Variants in KCNG2 observed in about 807,000 individuals in gnomAD.
KCNG2 encodes the protein voltage-gated potassium channel regulatory subunit KCNG2.
In KCNG2, 7 loss-of-function variants were observed where a neutral mutation model predicts 12.3. The observed-to-expected ratio is 0.57, with a 90% confidence interval of 0.32 to 1.07. The LOEUF is 1.07. Ranked by LOEUF, KCNG2 falls within the 50% of genes least tolerant of loss-of-function variation. The probability of loss-of-function intolerance (pLI) is 0.04; values close to 1 mark genes in which losing one functional copy is unlikely to be tolerated. For synonymous variants in KCNG2, 414 were observed against 351.4 expected (o/e 1.18, Z -1.99); for missense variants, 703 against 726.0 (o/e 0.97, Z 0.36).
At chr18:79,859,523 G>A (rs1473343000) in intron 2 of KCNG2, among the ~76,000 whole-genome samples, 2 of 141,058 alleles carry the variant, frequency 1.4e-5, no homozygotes, top group Admixed American at 7.2e-5. Context: ...TGAACTCATA[G>A]AGCGAGAACT....
chr18:79,895,209 G>C (rs1292297253), intron 3 of KCNG2, among the ~76,000 whole-genome samples: 1 of 152,112 alleles, frequency 6.6e-6, no homozygotes, highest in Admixed American at 6.5e-5. Context: ...GATTTATATA[G>C]TTGGGTCTGT....
chr18:79,856,639 G>A (rs1021613081), intron 2 of KCNG2, among the ~76,000 whole-genome samples, 187 bp downstream of exon 2: 4 of 152,120 alleles, frequency 2.6e-5, no homozygotes, highest in African/African-American at 7.2e-5. Flanking sequence ...GAACTCAGGC[G>A]CAGCCCCTTC....
At chr18:79,816,524 T>C (rs1473386939) in intron 1 of KCNG2, 2 of 152,232 alleles carry the variant, frequency 1.3e-5, no homozygotes, top group East Asian at 3.8e-4. Flanking sequence ...TCAAAGTTGG[T>C]TTTCCAAATG....
intron 3 of KCNG2, among the ~76,000 whole-genome samples, chr18:79,889,901 T>C (rs1003142049): frequency 2.6e-5 from 4 of 152,268 alleles, no homozygotes; most frequent in African/African-American, 9.6e-5. Context: ...GGAGGTTTCC[T>C]GCTTGTTGAG....
chr18:79,849,357 G>A (rs966156770), intron 1 of KCNG2, among the ~76,000 whole-genome samples: 2 of 152,272 alleles, frequency 1.3e-5, no homozygotes, highest in African/African-American at 4.8e-5. Flanking sequence ...TCCCAGCGCT[G>A]AGCTTCTGGG....
chr18:79,888,148 C>G (rs1022983714), intron 3 of KCNG2, among the ~76,000 whole-genome samples: 9 of 150,898 alleles, frequency 6.0e-5, no homozygotes, highest in South Asian at 2.1e-4. Context: ...TGGGAAGCAC[C>G]CAGACCTAGG....
At position 79,860,019 on chromosome 18, in the gene KCNG2, G is replaced by C. The variant is rs964117467; in HGVS notation, c.-41+3567G>C. Among the ~76,000 whole-genome samples, 5 of 152,326 alleles carry C rather than the reference G, an allele frequency of 3.3e-5. No homozygotes were observed. In the South Asian group the frequency reaches 8.3e-4, roughly 25 times the overall value. ...TAAAGGAGGCACGGTGCCAATGTCT[G>C]CTAAGCTTCTGGGGAGGCTTTGGGA... On this transcript the variant is annotated intron_variant, in intron 2 of 3. Coordinates refer to ENST00000316249, the MANE Select transcript of KCNG2 (RefSeq NM_012283.2).
intron 1 of KCNG2, among the ~76,000 whole-genome samples, chr18:79,817,749 T>C (rs938110201): frequency 4.6e-5 from 7 of 152,088 alleles, no homozygotes; most frequent in African/African-American, 1.7e-4. Flanking sequence ...TGGGAAAGCA[T>C]GGTTTTTAGC....
At chr18:79,843,359 CAA>C (rs1451977365) in intron 1 of KCNG2, among the ~76,000 whole-genome samples, 1 of 152,042 alleles carries the variant, frequency 6.6e-6, no homozygotes, top group Non-Finnish European at 1.5e-5. Context: ...GAATGTTCTT[CAA>C]ATTGAAATGA....
At chr18:79,850,495 T>C (rs187405711) in intron 1 of KCNG2, among the ~76,000 whole-genome samples, 5 of 152,254 alleles carry the variant, frequency 3.3e-5, no homozygotes, top group African/African-American at 1.2e-4. Context: ...TTCTAGTCCA[T>C]GTTTTATTGT....
rs1981167102 is a variant in KCNG2, at chr18:79,900,087, G to GTA, written c.*272_*273dup. The GTA allele has an allele frequency of 5.9e-6, 2 of 336,718 alleles. No individual in the cohort carries two copies. The highest frequency in any genetic ancestry group is 1.1e-5 in the Non-Finnish European group (2 of 186,948). The allele number at this position is 336,718 out of a possible 1,614,324, so 20.9% of individuals were successfully genotyped here. On this transcript the variant is annotated 3_prime_UTR_variant, in exon 4 of 4. Transcript: ENST00000316249. ...CTACGCCTAGCTAAAAATAAATTTA[G>GTA]TAAGTCCGAGAGATTCCACGCCTGC...
chr18:79,818,993 T>TG (rs1038216745), intron 1 of KCNG2, among the ~76,000 whole-genome samples: 1 of 152,146 alleles, frequency 6.6e-6, no homozygotes, highest in Admixed American at 6.5e-5. Flanking sequence ...CCAGTTCTGC[T>TG]GGGGGCTCCA....
intron 3 of KCNG2, among the ~76,000 whole-genome samples, chr18:79,875,319 G>A (rs1980023829): frequency 6.6e-6 from 1 of 152,100 alleles, no homozygotes; most frequent in Non-Finnish European, 1.5e-5. Flanking sequence ...GCTCCTCTCA[G>A]TCCAACACCA....
At chr18:79,828,495 G>A (rs1174012890) in intron 1 of KCNG2, among the ~76,000 whole-genome samples, 1 of 111,518 alleles carries the variant, frequency 9.0e-6, no homozygotes, top group Non-Finnish European at 1.9e-5. Flanking sequence ...GTGCATATGT[G>A]TCTACATGAG....
rs1439634006 is a variant in KCNG2 at position 79,899,506 on chromosome 18, T to C, written c.1091T>C (p.Val364Ala). 1.2e-6 allele frequency: 2 copies of C among 1,607,514 alleles called. No individual in the cohort carries two copies. The highest frequency in any genetic ancestry group is 8.5e-7 in the Non-Finnish European group (1 of 1,177,874). ...SSVPASYWWA[V>A]ISMTTVGYGD... ...GTGCCCGCCAGCTATTGGTGGGCCG[T>C]CATCTCCATGACCACCGTGGGCTAC... is the stretch of plus-strand genomic sequence containing the variant. The change falls in exon 4 of 4, where the codon GTC (valine) becomes GCC (alanine). Residue 364 changes from valine to alanine, a missense_variant. Coordinates refer to ENST00000316249, the MANE Select transcript of KCNG2 (RefSeq NM_012283.2).
intron 3 of KCNG2, among the ~76,000 whole-genome samples, chr18:79,865,628 AG>A (rs1249425123): frequency 7.4e-6 from 1 of 134,276 alleles, no homozygotes; most frequent in Non-Finnish European, 1.5e-5. Context: ...CTGGGTGCTG[AG>A]GTCTGTGTTC....
chr18:79,880,379 A>T (rs1980250102), intron 3 of KCNG2, among the ~76,000 whole-genome samples: 1 of 152,102 alleles, frequency 6.6e-6, no homozygotes, highest in Non-Finnish European at 1.5e-5. Context: ...TTAACTTAAA[A>T]ACATGCTCAG....
rs563182035 is a variant in KCNG2, at chr18:79,894,578, G to C, written c.625-4462G>C. Among the ~76,000 whole-genome samples the C allele has an allele frequency of 1.6e-4, 24 of 151,798 alleles. No individual in the cohort carries two copies. In the South Asian group the frequency reaches 1.9e-3, roughly 12 times the overall value. On this transcript the variant is annotated intron_variant, in intron 3 of 3. Coordinates refer to ENST00000316249, the MANE Select transcript of KCNG2 (RefSeq NM_012283.2). The stretch of plus-strand genomic sequence containing the variant: ...TATAGTTGGGTCTGTGTCTGCTTTT[G>C]ATTGGGTTGTTCACTCCATTCACAT...
intron 1 of KCNG2, among the ~76,000 whole-genome samples, chr18:79,816,815 G>C (rs1360019420): frequency 6.6e-6 from 1 of 152,168 alleles, no homozygotes. Context: ...AAAGAAACCG[G>C]GGACCAGACA....
Sources: allele counts gnomAD v4.1 joint callset (sites outside exome capture counted in the v4.1 genomes callset), GRCh38; gene constraint gnomAD v4.1.1; transcripts MANE v1.5; gene names NCBI Gene and HGNC (gene_info 2026-07-23, HGNC 2026-07-21).